SERPINI1: variants seen among roughly 807,000 people sequenced by gnomAD.
The protein encoded by SERPINI1 is neuroserpin.
SERPINI1 carries 19 observed loss-of-function variants against 41.1 expected under a neutral mutation model. The observed-to-expected ratio is 0.46, with a 90% CI of 0.32 to 0.68. The LOEUF (loss-of-function observed/expected upper bound fraction) is 0.68, where lower values mean the gene tolerates loss of function less well. SERPINI1 is among the 30% of genes least tolerant of loss of function. The pLI is 0.03. For missense variants in SERPINI1, 460 were observed against 479.2 expected (o/e 0.96, Z 0.37); for synonymous variants, 138 against 156.6 (o/e 0.88, Z 0.89).
intron 1 of SERPINI1, among the ~76,000 whole-genome samples, chr3:167,778,831 T>C (rs1249605719): frequency 6.6e-6 from 1 of 152,224 alleles, no homozygotes; most frequent in Non-Finnish European, 1.5e-5. Context: ...ATTGTCATCA[T>C]TGCTTTAAAG....
intron 6 of SERPINI1, among the ~76,000 whole-genome samples, chr3:167,816,842 G>A (rs1222481703): frequency 6.6e-6 from 1 of 152,066 alleles, no homozygotes; most frequent in Non-Finnish European, 1.5e-5. Context: ...CAAAAGTTGA[G>A]GGAGCTTCTA....
chr3:167,745,374 A>G (rs1431151067), intron 1 of SERPINI1, among the ~76,000 whole-genome samples: 2 of 152,074 alleles, frequency 1.3e-5, no homozygotes, highest in Admixed American at 6.5e-5. Context: ...TGATAAAAAC[A>G]TTTAACAAAC....
In SERPINI1 at chr3:167,765,071, G is replaced by A. The variant is rs189932717; in HGVS notation, c.-18-24040G>A. Among the ~76,000 whole-genome samples, 3 of 152,244 alleles carry A rather than the reference G, an allele frequency of 2.0e-5. No homozygotes were observed. In the East Asian group the frequency reaches 5.8e-4, roughly 29 times the overall value. ...CATTGAGTGTCTGTGGCTTTTCCAG[G>A]CACACAGTGCAAGCTATCAGTGCAT... is the stretch of plus-strand genomic sequence containing the variant. On this transcript the variant is annotated intron_variant, in intron 1 of 8. Transcript: ENST00000446050.
intron 1 of SERPINI1, among the ~76,000 whole-genome samples, chr3:167,749,629 G>A (rs1210959649): frequency 1.3e-5 from 2 of 152,056 alleles, no homozygotes; most frequent in Non-Finnish European, 2.9e-5. Flanking sequence ...TTATTAAAAG[G>A]ATCCAGAATT....
intron 1 of SERPINI1, among the ~76,000 whole-genome samples, chr3:167,775,228 A>T (rs933864036): frequency 3.5e-5 from 1 of 28,212 alleles, no homozygotes; most frequent in African/African-American, 2.3e-4. Context: ...GTGTCACTTT[A>T]TTATTATTAT....
At chr3:167,746,886 A>G (rs1232799357) in intron 1 of SERPINI1, among the ~76,000 whole-genome samples, 4 of 152,178 alleles carry the variant, frequency 2.6e-5, no homozygotes. Context: ...TCTTCAAAAT[A>G]TTAGCCACAG....
At chr3:167,800,014 C>T (rs1275984684) in intron 5 of SERPINI1, 1 of 151,938 alleles carries the variant, frequency 6.6e-6, no homozygotes, top group African/African-American at 2.4e-5. Context: ...GAAGAAATTG[C>T]TTTTGTATTT....
Position 167,789,139 on chromosome 3 carries a change from T to G in SERPINI1, c.11T>G (p.Leu4Arg). 1 of 1,614,088 alleles carries G rather than the reference T, an allele frequency of 6.2e-7. No homozygotes were observed. The highest frequency in any genetic ancestry group is 8.5e-7 in the Non-Finnish European group (1 of 1,179,988). The change falls in exon 2 of 9, where the codon CTT becomes CGT. Residue 4 changes from leucine (L) to arginine (R), a missense_variant. Transcript: ENST00000446050. MAF[L>R]GLFSLLVLQS... ...TGAAACTGTTACAATATGGCTTTCC[T>G]TGGACTCTTCTCTTTGCTGGTTCTG...
chr3:167,771,801 T>G (rs1367065837), intron 1 of SERPINI1, among the ~76,000 whole-genome samples: 1 of 152,206 alleles, frequency 6.6e-6, no homozygotes, highest in East Asian at 1.9e-4. Context: ...AGTTTAAAAC[T>G]AGATGGACTG....
chr3:167,797,559 A>C (rs1280507886), intron 5 of SERPINI1, among the ~76,000 whole-genome samples: 1 of 152,136 alleles, frequency 6.6e-6, no homozygotes, highest in Non-Finnish European at 1.5e-5. Flanking sequence ...AATTTTCTGC[A>C]TATGGCTATA....
chr3:167,742,028 G>A (rs1451385474), intron 1 of SERPINI1, among the ~76,000 whole-genome samples: 2 of 151,710 alleles, frequency 1.3e-5, no homozygotes, highest in African/African-American at 4.8e-5. Context: ...TTTTAAAAAT[G>A]CAAATAACTA....
At chr3:167,794,322 TA>T (rs1414492942) in intron 4 of SERPINI1, among the ~76,000 whole-genome samples, 1 of 152,174 alleles carries the variant, frequency 6.6e-6, no homozygotes, top group Non-Finnish European at 1.5e-5. Flanking sequence ...TATTTTCAAA[TA>T]AACCTGCTTT....
At chr3:167,800,933 T>G (rs140408531) in intron 5 of SERPINI1, among the ~76,000 whole-genome samples, 74 of 152,346 alleles carry the variant, frequency 4.9e-4, no homozygotes, top group Middle Eastern at 3.4e-3. Flanking sequence ...TTCTCCTGCC[T>G]CAGCCTCCTA....
intron 1 of SERPINI1, among the ~76,000 whole-genome samples, chr3:167,776,422 TG>T: frequency 6.6e-6 from 1 of 152,356 alleles, no homozygotes; most frequent in Admixed American, 6.5e-5. Flanking sequence ...TGATTGATTT[TG>T]CTTTCCCCAG....
At chr3:167,771,818 AGT>A (rs35800972) in intron 1 of SERPINI1, among the ~76,000 whole-genome samples, 19 of 147,820 alleles carry the variant, frequency 1.3e-4, no homozygotes, top group Middle Eastern at 3.4e-3. Flanking sequence ...ACTGTGTGTG[AGT>A]GTGTGTGTGT....
chr3:167,742,818 TTGTGTGTGTGTGTGTGTGTG>T (rs10576293), intron 1 of SERPINI1, among the ~76,000 whole-genome samples: 2 of 145,000 alleles, frequency 1.4e-5, no homozygotes, highest in African/African-American at 2.5e-5. Flanking sequence ...TTGTGCCGTT[TTGTGTGTGTGTGTGTGTGTG>T]TGTGTGTGTG....
intron 1 of SERPINI1, among the ~76,000 whole-genome samples, chr3:167,748,966 C>T (rs1368950053): frequency 6.6e-6 from 1 of 151,950 alleles, no homozygotes; most frequent in Non-Finnish European, 1.5e-5. Context: ...TTGAGTCAAG[C>T]AGCAGGAAAA....
At chr3:167,794,071 T>G (rs11924448) in intron 4 of SERPINI1, among the ~76,000 whole-genome samples, 19,185 of 152,092 alleles carry the variant, frequency 0.13, 1,452 homozygotes, top group African/African-American at 0.21. Context: ...AAATTTTCCC[T>G]TCTTAAAAAT....
At chr3:167,782,756 G>A (rs147351524) in intron 1 of SERPINI1, among the ~76,000 whole-genome samples, 24 of 152,266 alleles carry the variant, frequency 1.6e-4, no homozygotes, top group African/African-American at 3.4e-4. Context: ...AGAACCAAGC[G>A]GGTATTCATG....
Sources: allele counts gnomAD v4.1 joint callset (sites outside exome capture counted in the v4.1 genomes callset), GRCh38; gene constraint gnomAD v4.1.1; transcripts MANE v1.5; gene names NCBI Gene and HGNC (gene_info 2026-07-23, HGNC 2026-07-21).